PDZD7: variants seen among roughly 807,000 people sequenced by gnomAD.
The protein encoded by PDZD7 is PDZ domain-containing protein 7.
Under a neutral mutation model 84.7 loss-of-function variants are expected in PDZD7, and 72 were observed. That is an observed-to-expected ratio of 0.85 (90% confidence interval 0.70 to 1.03). The LOEUF (loss-of-function observed/expected upper bound fraction) is 1.03, where lower values mean the gene tolerates loss of function less well. PDZD7 is among the 50% of genes least tolerant of loss of function. The pLI is 0.00. For missense variants in PDZD7, 1,490 were observed against 1,412.9 expected (o/e 1.05, Z -0.87); for synonymous variants, 594 against 580.7 (o/e 1.02, Z -0.33).
intron 4 of PDZD7, among the ~76,000 whole-genome samples, chr10:101,022,635 A>C (rs1590067486): frequency 1.4e-5 from 2 of 144,758 alleles, no homozygotes; most frequent in Non-Finnish European, 3.0e-5. Context: ...TGCTCTGTCC[A>C]CCCATGCTGG....
At chr10:101,023,272 T>G in intron 4 of PDZD7, 164 bp downstream of exon 4, 1 of 768,202 alleles carries the variant, frequency 1.3e-6, no homozygotes, top group South Asian at 1.6e-5. Flanking sequence ...AGGGGAAAGA[T>G]GCAGCCTCTC....
chr10:101,014,381 C>T (rs944367624), intron 11 of PDZD7, among the ~76,000 whole-genome samples: 4 of 151,966 alleles, frequency 2.6e-5, no homozygotes, highest in African/African-American at 9.7e-5. Context: ...TATGGGGGCA[C>T]AAGTGGGAGG....
intron 14 of PDZD7, chr10:101,011,288 G>A (rs548991870): frequency 1.6e-5 from 6 of 369,158 alleles, no homozygotes; most frequent in East Asian, 1.6e-4. Flanking sequence ...CGATCCACCC[G>A]CCTCAGCCTC....
intron 6 of PDZD7, among the ~76,000 whole-genome samples, chr10:101,021,407 C>A (rs1273632677): frequency 6.6e-6 from 1 of 152,182 alleles, no homozygotes; most frequent in Non-Finnish European, 1.5e-5. Flanking sequence ...CTGGCCCCAG[C>A]CCAGCCCTCC....
At chr10:101,011,813 G>A (rs1262544567) in intron 13 of PDZD7, 52 bp from the exon 14 acceptor site, 1 of 1,550,418 alleles carries the variant, frequency 6.4e-7, no homozygotes, top group Non-Finnish European at 8.7e-7. Context: ...CAGGCTCCGG[G>A]ACGGAGGCAG....
chr10:101,023,459 CT>C lies in PDZD7; in HGVS notation c.518del (p.Lys173SerfsTer13). 1 of 1,614,076 alleles carries C rather than the reference CT, an allele frequency of 6.2e-7. No homozygotes were observed. The highest frequency in any genetic ancestry group is 8.5e-7 in the Non-Finnish European group (1 of 1,180,014). On this transcript the variant is annotated frameshift_variant, in exon 4 of 17. Transcript: ENST00000619208. LOFTEE classifies it high-confidence loss of function. ...ACCACGTGGTCTTCTCCTTGGAGAA[CT>C]TGATGCCCGGCACACGGCCCATGCG... Reference protein sequence around the residue: ...VRRMGRVPGIKFSKEKTTWVD... With the variant: ...VRRMGRVPGIXFSKEKTTWVD...
Position 101,016,288 on chromosome 10 carries a change from G to T in PDZD7, c.1573+89C>A, listed in dbSNP as rs149010977. 3.1e-4 allele frequency: 417 copies of T among 1,364,904 alleles called. 2 individuals are homozygous for T. In the African/African-American group the frequency reaches 4.9e-3, roughly 16 times the overall value. The allele number at this position is 1,364,904 out of a possible 1,614,324, so 84.5% of individuals were successfully genotyped here. On this transcript the variant is annotated intron_variant, in intron 10 of 16. Coordinates refer to ENST00000619208, the MANE Select transcript of PDZD7 (RefSeq NM_001195263.2). ...CCATGCTTGACCCTGACTGAATTTA[G>T]TCCAGAGCCACTCAGCTGGCCCCCA...
At chr10:101,029,841 G>C (rs960832904) in intron 2 of PDZD7, among the ~76,000 whole-genome samples, 153 bp downstream of exon 2, 3 of 152,188 alleles carry the variant, frequency 2.0e-5, no homozygotes, top group Non-Finnish European at 4.4e-5. Flanking sequence ...GTGAGGAAGA[G>C]TGTATGGGTT....
intron 5 of PDZD7, 31 bp from the exon 6 acceptor site, chr10:101,021,976 C>T (rs1853135032): frequency 6.2e-7 from 1 of 1,613,192 alleles, no homozygotes; most frequent in Non-Finnish European, 8.5e-7. Context: ...GTCTGATAGG[C>T]CCCTGGCCTG....
At chr10:101,023,325 G>C in intron 4 of PDZD7, 111 bp downstream of exon 4, 2 of 1,357,984 alleles carry the variant, frequency 1.5e-6, no homozygotes, top group Non-Finnish European at 2.1e-6. Context: ...CGTTTCCTGA[G>C]CCAGCGAGCA....
rs1852421614 is a variant in PDZD7 at position 101,012,231 on chromosome 10, G to T, written c.1777C>A (p.Leu593Met). 1.9e-6 allele frequency: 3 copies of T among 1,550,202 alleles called. No individual in the cohort carries two copies. Among genetic ancestry groups the T allele is most frequent in the Admixed American group, 3.9e-5 (2 of 50,992 alleles). The change falls in exon 12 of 17, where the codon CTG becomes ATG. Residue 593 changes from leucine to methionine, a missense_variant. Transcript: ENST00000619208. ...RYVHEGGIED[L>M]VRPLLAILDR... is the part of the protein sequence containing the mutation. ...AGGATGGCCAGCAGGGGCCTCACCA[G>T]GTCCTCTATGCCTCCCTCGTGCACA...
intron 14 of PDZD7, 32 bp from the exon 15 acceptor site, chr10:101,010,915 T>A (rs1435351855): frequency 1.2e-5 from 18 of 1,514,450 alleles, no homozygotes; most frequent in Non-Finnish European, 1.5e-5. Context: ...AGCTGCCCAC[T>A]CCTCCCCTCT....
chr10:101,008,711 C>T lies in PDZD7; in HGVS notation c.2858G>A (p.Ser953Asn), dbSNP rs1210888255. 1 of 1,535,930 alleles carries T rather than the reference C, an allele frequency of 6.5e-7. No individual in the cohort carries two copies. Among genetic ancestry groups the T allele is most frequent in the African/African-American group, 1.4e-5 (1 of 73,100 alleles). ...MELVVRVPGP[S>N]PRPSPSDSSA... ...TGAGTCAGAGGGTGAGGGCCGTGGG[C>T]TGGGCCCGGGGACCCTGACCACAAG... Residue 953 changes from serine (S) to asparagine (N), a missense_variant, in exon 17 of 17, where the codon AGC becomes AAC. Coordinates refer to ENST00000619208, the MANE Select transcript of PDZD7 (RefSeq NM_001195263.2).
rs772257588 is a variant in PDZD7, at chr10:101,019,115, G to A, written c.1031C>T (p.Ser344Leu). The A allele has an allele frequency of 5.8e-6, 9 of 1,552,246 alleles. No homozygotes were observed. Among genetic ancestry groups the A allele is most frequent in the Non-Finnish European group, 5.2e-6 (6 of 1,155,506 alleles). Residue 344 changes from serine (S) to leucine (L), a missense_variant, in exon 8 of 17, where the codon TCG becomes TTG. Coordinates refer to ENST00000619208, the MANE Select transcript of PDZD7 (RefSeq NM_001195263.2). ...CCCGAGGCAGATGTCCATGCGGTCCGACGGCAGGGAGCCCGAGCTGTAGGG... is the reference window on the plus strand; with the variant it reads ...CCCGAGGCAGATGTCCATGCGGTCCAACGGCAGGGAGCCCGAGCTGTAGGG... ...SAPYSSGSLP[S>L]DRMDICLGQE... is the part of the protein sequence containing the mutation.
intron 8 of PDZD7, 125 bp from the exon 9 acceptor site, chr10:101,018,421 C>G (rs1296037642): frequency 2.9e-6 from 3 of 1,046,282 alleles, no homozygotes; most frequent in South Asian, 2.9e-5. Flanking sequence ...GCAGCTACGC[C>G]GGGGTGAGAG....
At chr10:101,021,286 G>A (rs1454375212) in intron 6 of PDZD7, among the ~76,000 whole-genome samples, 2 of 152,138 alleles carry the variant, frequency 1.3e-5, no homozygotes, top group South Asian at 4.1e-4. Context: ...TGGGCACCAG[G>A]GGAGAGTGAG....
chr10:101,016,493 G>A, intron 9 of PDZD7, 66 bp from the exon 10 acceptor site: 1 of 1,497,262 alleles, frequency 6.7e-7, no homozygotes, highest in Non-Finnish European at 9.1e-7. Context: ...GTTCAGGAGG[G>A]CTCAGGACAA....
Position 101,023,979 on chromosome 10 carries a change from C to T in PDZD7, c.316G>A (p.Glu106Lys). 2 of 1,614,266 alleles carry T rather than the reference C, an allele frequency of 1.2e-6. No homozygotes were observed. Among genetic ancestry groups the T allele is most frequent in the Non-Finnish European group, 1.7e-6 (2 of 1,180,052 alleles). Residue 106 changes from glutamate (E) to lysine (K), a missense_variant, in exon 3 of 17, where the codon GAG (glutamate) becomes AAG (lysine). Physicochemically the swap from Glu to Lys is moderately conservative, Grantham distance 56 (BLOSUM62 1). Coordinates refer to ENST00000619208, the MANE Select transcript of PDZD7 (RefSeq NM_001195263.2). ...CTGACGAAGATGCCCAGGCCATGCT[C>T]TGAGCCCCCGCGCACGCTGAAGCCC... Reference protein sequence around the residue: ...RLGFSVRGGSEHGLGIFVSKV... With the variant: ...RLGFSVRGGSKHGLGIFVSKV...
chr10:101,025,681 G>A (rs1044488611), intron 2 of PDZD7, among the ~76,000 whole-genome samples: 5 of 151,518 alleles, frequency 3.3e-5, no homozygotes, highest in African/African-American at 7.3e-5. Flanking sequence ...CCGAGTAGCT[G>A]GGACTACAGG....
Sources: allele counts gnomAD v4.1 joint callset (sites outside exome capture counted in the v4.1 genomes callset), GRCh38; gene constraint gnomAD v4.1.1; transcripts MANE v1.5; gene names NCBI Gene and HGNC (gene_info 2026-07-23, HGNC 2026-07-21).